The following DIS3L2 variants were observed in gnomAD, a reference collection of about 807,000 sequenced individuals.
DIS3L2 encodes the protein DIS3 like 3'-5' exoribonuclease 2.
DIS3L2 carries 34 observed loss-of-function variants against 97.5 expected under a neutral mutation model. The observed-to-expected ratio is 0.35, with a 90% CI of 0.27 to 0.46. The LOEUF (loss-of-function observed/expected upper bound fraction) is 0.46, where lower values mean the gene tolerates loss of function less well. DIS3L2 is among the 20% of genes least tolerant of loss of function. The probability of loss-of-function intolerance (pLI) is 1.00; values close to 1 mark genes in which losing one functional copy is unlikely to be tolerated. For synonymous variants in DIS3L2, 435 were observed against 445.2 expected (o/e 0.98, Z 0.29); for missense variants, 1,038 against 1,146.0 (o/e 0.91, Z 1.36).
chr2:231,998,811 C>T (rs1357428527), intron 1 of DIS3L2, among the ~76,000 whole-genome samples: 2 of 152,042 alleles, frequency 1.3e-5, no homozygotes, highest in Non-Finnish European at 2.9e-5. Context: ...TAAGGAATGG[C>T]TTCTCCCTTT....
intron 11 of DIS3L2, among the ~76,000 whole-genome samples, chr2:232,240,762 G>A (rs760001828): frequency 1.3e-5 from 2 of 152,192 alleles, no homozygotes; most frequent in Admixed American, 1.3e-4. Flanking sequence ...TGACCCACAA[G>A]TATCTCTCTT....
intron 6 of DIS3L2, among the ~76,000 whole-genome samples, chr2:232,126,597 T>C (rs1444704403): frequency 1.3e-5 from 2 of 152,210 alleles, no homozygotes; most frequent in Admixed American, 1.3e-4. Context: ...TGGAAGTCAC[T>C]AACAACACAC....
intron 10 of DIS3L2, among the ~76,000 whole-genome samples, chr2:232,232,483 A>G (rs780555315): frequency 1.3e-5 from 2 of 152,204 alleles, no homozygotes; most frequent in African/African-American, 2.4e-5. Flanking sequence ...AGGAAGACAT[A>G]TGGGCAGATG....
At chr2:232,335,720 G>A in intron 19 of DIS3L2, 53 bp from the exon 20 acceptor site, 4 of 1,532,942 alleles carry the variant, frequency 2.6e-6, no homozygotes, top group Non-Finnish European at 3.5e-6. Flanking sequence ...AGGGTGGAAG[G>A]GCAGGCAGCA....
intron 13 of DIS3L2, among the ~76,000 whole-genome samples, chr2:232,275,519 C>T (rs1176521230): frequency 2.0e-5 from 3 of 152,166 alleles, no homozygotes; most frequent in Admixed American, 6.5e-5. Context: ...TGGTACTGCT[C>T]TTCCTCAAGA....
intron 10 of DIS3L2, among the ~76,000 whole-genome samples, chr2:232,230,180 T>G (rs576560501): frequency 6.6e-6 from 1 of 152,338 alleles, no homozygotes; most frequent in South Asian, 2.1e-4. Context: ...CCCTCTTACC[T>G]AGCAACCCAA....
At chr2:232,291,789 C>T (rs1325635616) in intron 13 of DIS3L2, among the ~76,000 whole-genome samples, 1 of 152,216 alleles carries the variant, frequency 6.6e-6, no homozygotes, top group East Asian at 1.9e-4. Context: ...GCTGTAAGTA[C>T]CTTCCAGGAG....
chr2:232,012,578 G>A (rs1381884988), intron 1 of DIS3L2, among the ~76,000 whole-genome samples: 2 of 151,998 alleles, frequency 1.3e-5, no homozygotes, highest in African/African-American at 2.4e-5. Context: ...AGTCACTAGT[G>A]GTAGCATACC....
intron 6 of DIS3L2, among the ~76,000 whole-genome samples, chr2:232,108,733 A>G (rs1426794887): frequency 6.6e-6 from 1 of 152,220 alleles, no homozygotes; most frequent in East Asian, 1.9e-4. Flanking sequence ...ATCAGTGTGC[A>G]AAAATCTCTA....
intron 4 of DIS3L2, among the ~76,000 whole-genome samples, chr2:232,026,929 G>A (rs1312291543): frequency 6.6e-6 from 1 of 151,860 alleles, no homozygotes; most frequent in Non-Finnish European, 1.5e-5. Flanking sequence ...TCTTTTATTT[G>A]GCTCCTGCTT....
downstream of DIS3L2, among the ~76,000 whole-genome samples, chr2:232,341,404 G>T (rs938562649): frequency 2.0e-5 from 3 of 152,230 alleles, no homozygotes; most frequent in African/African-American, 7.2e-5. Context: ...CCTCGGGTTG[G>T]ATTAGTAGTA....
chr2:232,007,259 A>C (rs768656055), intron 1 of DIS3L2, among the ~76,000 whole-genome samples: 6 of 152,220 alleles, frequency 3.9e-5, no homozygotes, highest in Non-Finnish European at 8.8e-5. Flanking sequence ...CCCCTCTAAA[A>C]TAGAAAGCGA....
At chr2:232,149,199 T>TG (rs773702776) in intron 8 of DIS3L2, among the ~76,000 whole-genome samples, 1,856 of 151,622 alleles carry the variant, frequency 0.012, 16 homozygotes, top group Non-Finnish European at 0.017. Flanking sequence ...AAAAGTTTTT[T>TG]TTTTTTTTTT....
intron 12 of DIS3L2, among the ~76,000 whole-genome samples, chr2:232,254,264 A>G (rs1203341830): frequency 6.6e-6 from 1 of 151,844 alleles, no homozygotes; most frequent in East Asian, 1.9e-4. Context: ...AAAAAAAAGC[A>G]CCCTTTTAAA....
chr2:232,330,217 G>A (rs1051519386), intron 15 of DIS3L2, among the ~76,000 whole-genome samples: 3 of 152,232 alleles, frequency 2.0e-5, no homozygotes, highest in African/African-American at 4.8e-5. Flanking sequence ...CCAAGCGGGG[G>A]GACCCTGGAG....
At chr2:232,187,128 C>CA (rs1370013229) in intron 9 of DIS3L2, among the ~76,000 whole-genome samples, 1 of 152,006 alleles carries the variant, frequency 6.6e-6, no homozygotes, top group African/African-American at 2.4e-5. Flanking sequence ...TTAAGACACA[C>CA]AAATGGTCAC....
rs1398723111 is a variant in DIS3L2 at position 232,334,426 on chromosome 2, G to A, written c.2216G>A (p.Cys739Tyr). 1.2e-6 allele frequency: 2 copies of A among 1,613,834 alleles called. No individual in the cohort carries two copies. Among genetic ancestry groups the A allele is most frequent in the South Asian group, 1.1e-5 (1 of 91,088 alleles). The change falls in exon 18 of 21, where the codon TGT becomes TAT. Residue 739 changes from cysteine (C) to tyrosine (Y), a missense_variant. Around this residue, in one of 3 missense-constraint regions of DIS3L2, gnomAD observed 221 missense variants for 246.9 expected, o/e 0.90. Transcript: ENST00000325385. ...PDTLQKQADH[C>Y]NDRRMASKRV... ...ACCCTGCAGAAACAGGCGGACCACT[G>A]TAACGACCGCCGCATGGCGTCCAAG...
At chr2:232,227,007 A>T (rs921123396) in intron 10 of DIS3L2, among the ~76,000 whole-genome samples, 1 of 152,046 alleles carries the variant, frequency 6.6e-6, no homozygotes. Context: ...AACAAAAAAA[A>T]ACCCAGGAAA....
intron 13 of DIS3L2, among the ~76,000 whole-genome samples, chr2:232,266,221 T>C (rs1228880193): frequency 6.6e-6 from 1 of 152,224 alleles, no homozygotes; most frequent in African/African-American, 2.4e-5. Flanking sequence ...CTCAGATTAT[T>C]GATAGATAAA....
Sources: allele counts gnomAD v4.1 joint callset (sites outside exome capture counted in the v4.1 genomes callset), GRCh38; gene constraint gnomAD v4.1.1; regional missense constraint gnomAD v4.1.1; transcripts MANE v1.5; gene names NCBI Gene and HGNC (gene_info 2026-07-23, HGNC 2026-07-21).